CSMD3: variants seen among roughly 807,000 people sequenced by gnomAD.
The protein encoded by CSMD3 is CUB and sushi domain-containing protein 3.
In CSMD3, 177 loss-of-function variants were observed where a neutral mutation model predicts 435.2. The ratio of observed to expected loss-of-function variants is 0.41; its 90% CI spans 0.36 to 0.46. The LOEUF is 0.46. Ranked by LOEUF, CSMD3 falls within the 20% of genes least tolerant of loss-of-function variation. CSMD3 has a pLI of 0.34. For missense variants in CSMD3, 4,265 were observed against 4,504.6 expected (o/e 0.95, Z 1.52); for synonymous variants, 1,656 against 1,520.5 (o/e 1.09, Z -2.07).
intron 4 of CSMD3, among the ~76,000 whole-genome samples, chr8:113,149,338 A>C (rs1340436701): frequency 6.6e-6 from 1 of 151,762 alleles, no homozygotes; most frequent in Non-Finnish European, 1.5e-5. Flanking sequence ...CATCTTTCAG[A>C]TTCATTGTCT....
chr8:112,455,664 T>C (rs1268990333), intron 32 of CSMD3, among the ~76,000 whole-genome samples: 2 of 151,896 alleles, frequency 1.3e-5, no homozygotes, highest in Non-Finnish European at 2.9e-5. Context: ...GTCAGGGAAA[T>C]TTACAGTGAA....
intron 66 of CSMD3, among the ~76,000 whole-genome samples, chr8:112,241,006 G>C (rs955267601): frequency 3.3e-5 from 5 of 151,948 alleles, no homozygotes; most frequent in African/African-American, 9.7e-5. Context: ...TTTTTAAATT[G>C]CCTAGTCTTG....
At chr8:112,613,616 C>T (rs937728340) in intron 22 of CSMD3, among the ~76,000 whole-genome samples, 2 of 152,138 alleles carry the variant, frequency 1.3e-5, no homozygotes, top group African/African-American at 4.8e-5. Flanking sequence ...TGGCACACTA[C>T]ACTTTGCAAG....
intron 11 of CSMD3, among the ~76,000 whole-genome samples, chr8:112,852,223 TA>T (rs2080512240): frequency 6.6e-6 from 1 of 152,154 alleles, no homozygotes; most frequent in African/African-American, 2.4e-5. Context: ...ACACCAAACT[TA>T]AAAATAAATC....
At chr8:112,573,104 TATC>T (rs1433516009) in intron 24 of CSMD3, among the ~76,000 whole-genome samples, 2 of 152,122 alleles carry the variant, frequency 1.3e-5, no homozygotes, top group African/African-American at 4.8e-5. Flanking sequence ...GTCTTTTAGT[TATC>T]ATTTATAACT....
At chr8:113,045,803 G>A (rs184726393) in intron 5 of CSMD3, among the ~76,000 whole-genome samples, 2 of 149,324 alleles carry the variant, frequency 1.3e-5, no homozygotes, top group Non-Finnish European at 3.0e-5. Flanking sequence ...TTTACTTTCA[G>A]TTGTTGTTGT....
intron 13 of CSMD3, among the ~76,000 whole-genome samples, chr8:112,721,936 G>A (rs748542610): frequency 1.4e-4 from 21 of 152,044 alleles, no homozygotes; most frequent in Non-Finnish European, 2.2e-4. Context: ...CAGGGATCTT[G>A]CATTGGTTAG....
intron 66 of CSMD3, among the ~76,000 whole-genome samples, chr8:112,238,662 T>C (rs1471410235): frequency 6.8e-6 from 1 of 147,200 alleles, no homozygotes; most frequent in Non-Finnish European, 1.5e-5. Context: ...TATAAATAAT[T>C]TTACTAAAAT....
chr8:112,336,593 C>T (rs1824582962), intron 44 of CSMD3, 59 bp downstream of exon 44: 3 of 1,310,806 alleles, frequency 2.3e-6, no homozygotes, highest in Admixed American at 3.4e-5. Flanking sequence ...TATTTTTATT[C>T]CAACCTTGTT....
chr8:113,219,726 T>C (rs1203895223), intron 3 of CSMD3, among the ~76,000 whole-genome samples: 1 of 151,600 alleles, frequency 6.6e-6, no homozygotes, highest in Non-Finnish European at 1.5e-5. Flanking sequence ...AATTCCTCTA[T>C]ACTGGGTATA....
At position 112,518,834 on chromosome 8, in the gene CSMD3, T is replaced by C. The variant is rs573260399; in HGVS notation, c.4565-1609A>G. 3.2e-4 allele frequency among the ~76,000 whole-genome samples: 48 copies of C among 152,170 alleles called. 1 individual carries two copies. The highest frequency in any genetic ancestry group is 1.2e-3 in the African/African-American group (48 of 41,522). On this transcript the variant is annotated intron_variant, in intron 27 of 70. Coordinates refer to ENST00000297405, the MANE Select transcript of CSMD3 (RefSeq NM_198123.2). ...AGTTCTGTAGGCTTAGTAGGAAGCATGGCTAGGAGGCCTCAGGAAACTTAC... is the reference window on the plus strand; with the variant it reads ...AGTTCTGTAGGCTTAGTAGGAAGCACGGCTAGGAGGCCTCAGGAAACTTAC...
chr8:112,409,742 T>G (rs1446390064), intron 32 of CSMD3, among the ~76,000 whole-genome samples: 1 of 151,980 alleles, frequency 6.6e-6, no homozygotes, highest in Non-Finnish European at 1.5e-5. Context: ...TTTTCCTCCA[T>G]TTTTACTTAT....
intron 47 of CSMD3, among the ~76,000 whole-genome samples, chr8:112,316,703 T>C (rs1822505852): frequency 6.6e-6 from 1 of 151,880 alleles, no homozygotes; most frequent in Non-Finnish European, 1.5e-5. Context: ...AGAAAACTGA[T>C]GGCCAGAAAG....
In CSMD3 at chr8:113,216,500, A is replaced by AT. The variant is rs1288296624; in HGVS notation, c.515-42585dup. On this transcript the variant is annotated intron_variant, in intron 3 of 70. Transcript: ENST00000297405. ...TTTTCTCAGTTGTGACAATAAACAC[A>AT]TTTTTTTAAAATTTCAAAATTAAAC... Among the ~76,000 whole-genome samples, 8 of 151,960 alleles carry AT rather than the reference A, an allele frequency of 5.3e-5. 1 individual carries two copies. Among genetic ancestry groups the AT allele is most frequent in the South Asian group, 2.1e-4 (1 of 4,830 alleles).
chr8:112,487,379 A>T (rs550528079), intron 31 of CSMD3, among the ~76,000 whole-genome samples: 1 of 152,320 alleles, frequency 6.6e-6, no homozygotes. Flanking sequence ...AAAGAACAGC[A>T]TGTGCAAAAG....
At chr8:113,365,027 A>C (rs1026776150) in intron 1 of CSMD3, among the ~76,000 whole-genome samples, 2 of 152,056 alleles carry the variant, frequency 1.3e-5, no homozygotes, top group African/African-American at 2.4e-5. Flanking sequence ...GCATCCCTTA[A>C]TATCTCTCAG....
chr8:112,972,204 CA>C (rs1343930995), intron 7 of CSMD3, among the ~76,000 whole-genome samples: 1 of 151,382 alleles, frequency 6.6e-6, no homozygotes, highest in Non-Finnish European at 1.5e-5. Flanking sequence ...CATTAATGAT[CA>C]AAAGACATAA....
intron 32 of CSMD3, among the ~76,000 whole-genome samples, chr8:112,421,823 T>G (rs1239414933): frequency 1.3e-5 from 2 of 151,716 alleles, no homozygotes; most frequent in Non-Finnish European, 2.9e-5. Context: ...TTAAAAGGTA[T>G]AATATTAACT....
intron 56 of CSMD3, 88 bp downstream of exon 56, chr8:112,291,422 A>AT (rs1819751203): frequency 1.1e-6 from 1 of 908,124 alleles, no homozygotes; most frequent in Non-Finnish European, 1.8e-6. Context: ...TCTGTGATAT[A>AT]TATCTTTAGG....
Sources: gnomAD v4.1 joint callset for allele counts (sites outside exome capture counted in the v4.1 genomes callset) on GRCh38, gnomAD v4.1.1 for gene constraint, MANE v1.5 for transcripts, NCBI Gene and HGNC (gene_info 2026-07-23, HGNC 2026-07-21) for gene names.